Variants in PTPN2 observed in about 807,000 individuals in gnomAD.
PTPN2 encodes the protein protein tyrosine phosphatase non-receptor type 2.
Under a neutral mutation model 57.3 loss-of-function variants are expected in PTPN2, and 19 were observed. That is an observed-to-expected ratio of 0.33 (90% CI 0.23 to 0.49). PTPN2 has a LOEUF of 0.49. PTPN2 is among the 20% of genes least tolerant of loss of function. The pLI, the probability that PTPN2 is intolerant of heterozygous loss-of-function variation, is 0.99. For missense variants in PTPN2, 358 were observed against 501.1 expected (o/e 0.71, Z 2.73); for synonymous variants, 153 against 164.9 (o/e 0.93, Z 0.55).
At chr18:12,822,669 C>A (rs1430078623) in intron 5 of PTPN2, among the ~76,000 whole-genome samples, 1 of 152,114 alleles carries the variant, frequency 6.6e-6, no homozygotes, top group East Asian at 1.9e-4. Context: ...GATCTCTGCA[C>A]CCCAGCGACT....
chr18:12,803,391 CAA>C (rs1170543333), intron 7 of PTPN2, among the ~76,000 whole-genome samples: 1 of 152,036 alleles, frequency 6.6e-6, no homozygotes, highest in East Asian at 1.9e-4. Context: ...CCTTATCTAT[CAA>C]TAATACCCTT....
chr18:12,838,811 G>A (rs1259692513), intron 2 of PTPN2, among the ~76,000 whole-genome samples: 25 of 152,134 alleles, frequency 1.6e-4, no homozygotes. Flanking sequence ...TCTCAAGGCT[G>A]ATTAAAAACA....
intron 1 of PTPN2, chr18:12,880,559 T>C (rs542749792): frequency 6.6e-6 from 1 of 152,426 alleles, no homozygotes; most frequent in South Asian, 2.1e-4. Flanking sequence ...CTTTAAGGTA[T>C]CTGTTAATCT....
chr18:12,865,439 A>T (rs574791533), intron 1 of PTPN2, among the ~76,000 whole-genome samples: 28 of 116,712 alleles, frequency 2.4e-4, no homozygotes, highest in South Asian at 1.7e-3. Context: ...TGTCTTTATT[A>T]AAAAAAAAAA....
At chr18:12,868,865 T>C (rs547314873) in intron 1 of PTPN2, among the ~76,000 whole-genome samples, 2 of 152,016 alleles carry the variant, frequency 1.3e-5, no homozygotes, top group East Asian at 4.0e-4. Flanking sequence ...TTTAAAGTTT[T>C]AAGGCTGGGT....
At chr18:12,798,884 A>G (rs1202897086) in intron 8 of PTPN2, among the ~76,000 whole-genome samples, 4 of 152,218 alleles carry the variant, frequency 2.6e-5, no homozygotes, top group Admixed American at 2.6e-4. Context: ...ACAGTGTTTA[A>G]GCATTCCTTT....
intron 1 of PTPN2, among the ~76,000 whole-genome samples, chr18:12,866,397 C>T (rs1319403515): frequency 1.3e-5 from 2 of 151,976 alleles, no homozygotes; most frequent in Non-Finnish European, 2.9e-5. Flanking sequence ...AAGATTGCAC[C>T]ACTGCACTCC....
intron 2 of PTPN2, among the ~76,000 whole-genome samples, chr18:12,855,541 G>C (rs531322195): frequency 6.6e-6 from 1 of 152,154 alleles, no homozygotes; most frequent in African/African-American, 2.4e-5. Flanking sequence ...AAGCTAAGGT[G>C]GTGTTTCCTG....
intron 2 of PTPN2, among the ~76,000 whole-genome samples, chr18:12,841,681 G>T (rs950314612): frequency 6.6e-6 from 1 of 152,140 alleles, no homozygotes; most frequent in East Asian, 1.9e-4. Context: ...TCCTAAACTT[G>T]ACAGGACAAT....
intron 4 of PTPN2, among the ~76,000 whole-genome samples, chr18:12,828,845 T>C (rs1209284805): frequency 1.3e-5 from 2 of 152,164 alleles, no homozygotes; most frequent in Admixed American, 6.5e-5. Flanking sequence ...TGGTTCCAGG[T>C]CTGGGCAGCA....
chr18:12,798,717 C>G (rs537848362), intron 8 of PTPN2, among the ~76,000 whole-genome samples: 1 of 152,122 alleles, frequency 6.6e-6, no homozygotes, highest in Non-Finnish European at 1.5e-5. Flanking sequence ...AATCAACATA[C>G]GCGTGTGTTT....
chr18:12,848,917 G>C (rs761119946), intron 2 of PTPN2, among the ~76,000 whole-genome samples: 4 of 152,168 alleles, frequency 2.6e-5, no homozygotes, highest in Non-Finnish European at 5.9e-5. Flanking sequence ...TTAAAAGACA[G>C]TTAATTTATT....
At chr18:12,855,133 G>C (rs1707768538) in intron 2 of PTPN2, among the ~76,000 whole-genome samples, 1 of 152,204 alleles carries the variant, frequency 6.6e-6, no homozygotes, top group South Asian at 2.1e-4. Flanking sequence ...TACAGCTACA[G>C]TGCTTTTAGA....
chr18:12,840,891 A>T (rs2043022436), intron 2 of PTPN2: 1 of 1,558,712 alleles, frequency 6.4e-7, no homozygotes, highest in African/African-American at 1.3e-5. Flanking sequence ...GCAGTCCATG[A>T]CATATCTTCT....
chr18:12,860,717 G>A (rs2043776287), intron 1 of PTPN2, among the ~76,000 whole-genome samples: 1 of 152,150 alleles, frequency 6.6e-6, no homozygotes, highest in African/African-American at 2.4e-5. Flanking sequence ...AGCTGAGATT[G>A]CGCCACTGCA....
intron 1 of PTPN2, among the ~76,000 whole-genome samples, chr18:12,875,317 T>TAA (rs10654132): frequency 0.089 from 12,927 of 145,032 alleles, 1,831 homozygotes; most frequent in African/African-American, 0.3. Flanking sequence ...AAATAAAAAT[T>TAA]AAAAAAAAAA....
intron 7 of PTPN2, among the ~76,000 whole-genome samples, chr18:12,812,717 G>A (rs1411784698): frequency 6.6e-6 from 1 of 152,200 alleles, no homozygotes; most frequent in South Asian, 2.1e-4. Context: ...TTCTCAGAAT[G>A]CCAAGACCAT....
chr18:12,802,404 A>T (rs1472156786), intron 7 of PTPN2, among the ~76,000 whole-genome samples: 1 of 152,210 alleles, frequency 6.6e-6, no homozygotes, highest in East Asian at 1.9e-4. Context: ...AATAATCTTA[A>T]TAAAATCTTG....
intron 2 of PTPN2, chr18:12,840,566 C>G (rs935652595): frequency 1.1e-6 from 1 of 884,516 alleles, no homozygotes; most frequent in African/African-American, 1.7e-5. Flanking sequence ...GTCACTGGGT[C>G]ACCTCTCTCA....
Sources: allele counts gnomAD v4.1 joint callset (sites outside exome capture counted in the v4.1 genomes callset), GRCh38; gene constraint gnomAD v4.1.1; transcripts MANE v1.5; gene names NCBI Gene and HGNC (gene_info 2026-07-23, HGNC 2026-07-21).